The following MAK variants were observed in gnomAD, a reference collection of about 807,000 sequenced individuals.
MAK encodes serine/threonine-protein kinase MAK.
MAK carries 65 observed loss-of-function variants against 82.6 expected under a neutral mutation model. The ratio of observed to expected loss-of-function variants is 0.79; its 90% CI spans 0.64 to 0.97. The LOEUF (loss-of-function observed/expected upper bound fraction) is 0.97. MAK is among the 50% of genes least tolerant of loss of function. The pLI is 0.00. For missense variants in MAK, 703 were observed against 780.2 expected, an observed-to-expected ratio of 0.90 and a Z score of 1.18; for synonymous variants, 250 against 274.2, an observed-to-expected ratio of 0.91 and a Z score of 0.87.
chr6:10,764,656 A>C (rs1202619442), intron 14 of MAK, 50 bp from the exon 15 acceptor site: 1 of 1,523,244 alleles, frequency 6.6e-7, no homozygotes, highest in Admixed American at 1.7e-5. Flanking sequence ...TTGCTTATCA[A>C]ACTCAAAATA....
chr6:10,798,912 C>T (rs1460968270), intron 8 of MAK, among the ~76,000 whole-genome samples: 1 of 151,774 alleles, frequency 6.6e-6, no homozygotes, highest in East Asian at 1.9e-4. Context: ...TCATTGCAAC[C>T]TCCGCCTCCT....
chr6:10,788,105 C>T (rs1190212264), intron 10 of MAK, among the ~76,000 whole-genome samples: 4 of 151,844 alleles, frequency 2.6e-5, no homozygotes, highest in African/African-American at 9.6e-5. Context: ...ATCCTCTCAC[C>T]TCAGCCTCCT....
chr6:10,765,157 G>A (rs1772294470), intron 14 of MAK, among the ~76,000 whole-genome samples: 1 of 151,532 alleles, frequency 6.6e-6, no homozygotes, highest in Non-Finnish European at 1.5e-5. Context: ...GGTTTATAGT[G>A]CTGACACTGC....
chr6:10,818,047 G>T, intron 3 of MAK, 76 bp from the exon 4 acceptor site: 1 of 777,304 alleles, frequency 1.3e-6, no homozygotes, highest in Non-Finnish European at 2.0e-6. Context: ...TCAATGCTAA[G>T]TGTAATAATT....
chr6:10,777,400 G>C (rs989317517), intron 11 of MAK, among the ~76,000 whole-genome samples: 19 of 117,378 alleles, frequency 1.6e-4, no homozygotes, highest in East Asian at 5.3e-4. Context: ...TACAGAGCAA[G>C]ACTGTCACAA....
intron 1 of MAK, among the ~76,000 whole-genome samples, chr6:10,835,427 T>C (rs1452490218): frequency 6.6e-6 from 1 of 152,322 alleles, no homozygotes; most frequent in Non-Finnish European, 1.5e-5. Context: ...GCCCGGCTAA[T>C]TTCTGTATTT....
intron 1 of MAK, among the ~76,000 whole-genome samples, chr6:10,836,011 C>G (rs944838812): frequency 6.6e-6 from 1 of 152,194 alleles, no homozygotes; most frequent in Non-Finnish European, 1.5e-5. Context: ...AGTCTCTTTG[C>G]GAGTGGCTAT....
At chr6:10,834,286 T>C (rs1006018641) in intron 1 of MAK, among the ~76,000 whole-genome samples, 3 of 152,234 alleles carry the variant, frequency 2.0e-5, no homozygotes, top group Non-Finnish European at 4.4e-5. Context: ...AAGGCCATCA[T>C]GTTCCTTATG....
At chr6:10,827,064 TCGCGC>T (rs1778430580) in intron 2 of MAK, among the ~76,000 whole-genome samples, 1 of 152,130 alleles carries the variant, frequency 6.6e-6, no homozygotes. Flanking sequence ...TGAGCTGAGA[TCGCGC>T]CACTGCACTC....
intron 2 of MAK, among the ~76,000 whole-genome samples, chr6:10,822,450 G>C (rs529892614): frequency 6.7e-6 from 1 of 149,062 alleles, no homozygotes; most frequent in Non-Finnish European, 1.5e-5. Context: ...GCAAAACTCC[G>C]TCTCAAAAAA....
In MAK at chr6:10,830,680, T is replaced by C. The variant is rs757503362; in HGVS notation, c.-32A>G. Reference sequence around the variant, plus strand: ...AAAATAATGCAGCAGAAGTTGTTGATTGAAATGACTTCCTTGTTGAATATA... The same window carrying C: ...AAAATAATGCAGCAGAAGTTGTTGACTGAAATGACTTCCTTGTTGAATATA... On this transcript the variant is annotated 5_prime_UTR_variant, in exon 2 of 15. Coordinates refer to ENST00000354489, the MANE Select transcript of MAK (RefSeq NM_001242957.3). The C allele has an allele frequency of 1.1e-5, 16 of 1,470,516 alleles. No individual in the cohort carries two copies. The highest frequency in any genetic ancestry group is 8.4e-5 in the Admixed American group (5 of 59,830). 91.1% of individuals were successfully genotyped at this position (1,470,516 alleles called of 1,614,324 possible).
chr6:10,828,837 GAGA>G (rs1778569188), intron 2 of MAK, among the ~76,000 whole-genome samples: 4 of 152,120 alleles, frequency 2.6e-5, no homozygotes, highest in Admixed American at 6.5e-5. Flanking sequence ...CATGCACAAC[GAGA>G]AGATCATATA....
Position 10,763,335 on chromosome 6 carries a change from A to G in MAK, c.*1117T>C, listed in dbSNP as rs909705871. The G allele has an allele frequency of 6.6e-6, 1 of 152,196 alleles. No homozygotes were observed. The highest frequency in any genetic ancestry group is 1.5e-5 in the Non-Finnish European group (1 of 68,034). The allele number at this position is 152,196 out of a possible 1,614,324, so 9.4% of individuals were successfully genotyped here. On this transcript the variant is annotated 3_prime_UTR_variant, in exon 15 of 15. Transcript: ENST00000354489. ...AACAATTTGAAAAGTCCAATGAACC[A>G]GCATCAAACAAACACAGTTTCCAGA...
chr6:10,772,364 A>C (rs1581643514), intron 13 of MAK, among the ~76,000 whole-genome samples: 2 of 150,992 alleles, frequency 1.3e-5, no homozygotes, highest in East Asian at 3.9e-4. Context: ...TATTTATTTG[A>C]GATGGAGTCT....
intron 12 of MAK, among the ~76,000 whole-genome samples, chr6:10,773,982 G>A (rs866020818): frequency 1.3e-5 from 2 of 151,762 alleles, no homozygotes; most frequent in Non-Finnish European, 2.9e-5. Flanking sequence ...TACAGGAGTG[G>A]GCCACTGCAC....
At chr6:10,768,207 A>G (rs1056253316) in intron 14 of MAK, among the ~76,000 whole-genome samples, 6 of 152,110 alleles carry the variant, frequency 3.9e-5, no homozygotes, top group Non-Finnish European at 7.4e-5. Context: ...TAAAAGACCC[A>G]CTCTTGATTT....
chr6:10,794,028 G>A (rs1024161725), intron 9 of MAK, among the ~76,000 whole-genome samples: 17 of 152,158 alleles, frequency 1.1e-4, no homozygotes, highest in African/African-American at 3.9e-4. Flanking sequence ...TTGGTGAATG[G>A]TGTTATATGC....
rs779438081 is a variant in MAK, at chr6:10,784,425, T to C, written c.1464A>G (p.Pro488=). The C allele has an allele frequency of 2.5e-6, 4 of 1,614,060 alleles. No homozygotes were observed. Among genetic ancestry groups the C allele is most frequent in the Non-Finnish European group, 3.4e-6 (4 of 1,180,010 alleles). The change falls in exon 11 of 15, where the codon CCA becomes CCG. Residue 488 remains proline, a splice_region_variant and synonymous_variant. Transcript: ENST00000354489. The part of the protein sequence containing the change: ...QYYLKQSRYL[P]GVNPKKVSLI... ...AAACATTTTCTTTGCTCTACTTACC[T>C]GGAAGATATCTTGATTGTTTCAAGT...
At chr6:10,779,128 A>AG (rs1491129364) in intron 11 of MAK, among the ~76,000 whole-genome samples, 19 of 108,386 alleles carry the variant, frequency 1.8e-4, no homozygotes, top group Middle Eastern at 4.5e-3. Flanking sequence ...ACTTCGTCTC[A>AG]AAAAAAAAAA....
Sources: gnomAD v4.1 joint callset for allele counts (sites outside exome capture counted in the v4.1 genomes callset) on GRCh38, gnomAD v4.1.1 for gene constraint, MANE v1.5 for transcripts, NCBI Gene and HGNC (gene_info 2026-07-23, HGNC 2026-07-21) for gene names.